The following NPFFR2 variants were observed in gnomAD, a reference collection of about 807,000 sequenced individuals.
NPFFR2 encodes G-protein coupled receptor 74.
A neutral mutation model predicts 13.1 loss-of-function variants in NPFFR2; 15 were observed. The observed-to-expected ratio is 1.15, with a 90% CI of 0.77 to 1.76. NPFFR2 has a LOEUF of 1.76. NPFFR2 is among the 40% of genes most tolerant of loss of function. NPFFR2 has a pLI of 0.00. For missense variants in NPFFR2, 572 were observed against 503.5 expected, an observed-to-expected ratio of 1.14 and a Z score of -1.30; for synonymous variants, 190 against 175.7, an observed-to-expected ratio of 1.08 and a Z score of -0.65.
At chr4:72,096,046 G>A (rs376264735) in intron 1 of NPFFR2, among the ~76,000 whole-genome samples, 46 of 152,296 alleles carry the variant, frequency 3.0e-4, no homozygotes, top group African/African-American at 1.1e-3. Context: ...GATATCCCAT[G>A]TGGATAGAAG....
chr4:72,067,588 A>G lies in NPFFR2; in HGVS notation c.-8+35388A>G, dbSNP rs1214852633. Among the ~76,000 whole-genome samples the G allele has an allele frequency of 2.7e-5, 4 of 150,622 alleles. No individual in the cohort carries two copies. The South Asian group carries it at 6.4e-4, about 24-fold the overall frequency. Reference sequence around the variant, plus strand: ...AGGCTGAGCATTTTTTCAAATCTTTATATTTTACTTTTGTTTTAACTATAA... The same window carrying G: ...AGGCTGAGCATTTTTTCAAATCTTTGTATTTTACTTTTGTTTTAACTATAA... On this transcript the variant is annotated intron_variant, in intron 1 of 3. Transcript: ENST00000308744.
chr4:72,114,137 C>G (rs1721645933), intron 1 of NPFFR2, among the ~76,000 whole-genome samples: 1 of 151,984 alleles, frequency 6.6e-6, no homozygotes. Context: ...AATGAATAGC[C>G]AGTCAGCAGC....
intron 1 of NPFFR2, among the ~76,000 whole-genome samples, chr4:72,092,544 G>T (rs899324240): frequency 3.9e-5 from 6 of 151,984 alleles, no homozygotes; most frequent in African/African-American, 2.4e-5. Flanking sequence ...ATGTATTTTG[G>T]ATTGTGATAT....
chr4:72,048,786 TG>T (rs1719458784), intron 1 of NPFFR2, among the ~76,000 whole-genome samples: 1 of 152,068 alleles, frequency 6.6e-6, no homozygotes, highest in Non-Finnish European at 1.5e-5. Flanking sequence ...GCATGAGTTT[TG>T]TTGGAATTAT....
At chr4:72,052,989 T>C (rs1719633774) in intron 1 of NPFFR2, among the ~76,000 whole-genome samples, 1 of 151,882 alleles carries the variant, frequency 6.6e-6, no homozygotes, top group Admixed American at 6.6e-5. Context: ...TGTCCTGCCT[T>C]TCTGGACCAG....
chr4:72,063,094 A>G (rs984026806), intron 1 of NPFFR2, among the ~76,000 whole-genome samples: 4 of 152,206 alleles, frequency 2.6e-5, no homozygotes, highest in African/African-American at 9.7e-5. Context: ...TTGTTTAGCA[A>G]TGTTATAATA....
At chr4:72,146,022 A>G (rs1404068746) in intron 3 of NPFFR2, among the ~76,000 whole-genome samples, 1 of 152,224 alleles carries the variant, frequency 6.6e-6, no homozygotes, top group Admixed American at 6.5e-5. Flanking sequence ...TCACCAGAGG[A>G]CATAGAATGT....
At chr4:72,053,807 C>G (rs1719661553) in intron 1 of NPFFR2, among the ~76,000 whole-genome samples, 1 of 151,776 alleles carries the variant, frequency 6.6e-6, no homozygotes, top group Admixed American at 6.6e-5. Context: ...ATCTCCAGTA[C>G]AGTGTTAAAA....
chr4:72,085,520 G>A (rs1578445251), intron 1 of NPFFR2, among the ~76,000 whole-genome samples: 1 of 152,024 alleles, frequency 6.6e-6, no homozygotes, highest in African/African-American at 2.4e-5. Context: ...TGTATGCCAT[G>A]TTGAGATCCT....
Position 72,138,139 on chromosome 4 carries a change from G to C in NPFFR2, c.428G>C (p.Arg143Thr). The stretch of plus-strand genomic sequence containing the variant: ...ACGTTAGTTGCAATTGCTGTAGATA[G>C]GTAAGTCTGCACCAAACTCTGAATC... ...VFTLVAIAVDRFQCVVYPFKP... is the reference protein window; with the variant it reads ...VFTLVAIAVDTFQCVVYPFKP... The change falls in exon 3 of 4, where the codon AGG (arginine) becomes ACG (threonine). Residue 143 changes from arginine (R) to threonine (T), a missense_variant and splice_region_variant. Arg to Thr is a moderately conservative substitution (Grantham distance 71). Transcript: ENST00000308744. The C allele has an allele frequency of 6.2e-7, 1 of 1,609,246 alleles. No homozygotes were observed. Among genetic ancestry groups the C allele is most frequent in the Non-Finnish European group, 8.5e-7 (1 of 1,175,940 alleles).
chr4:72,063,126 T>G (rs1223920995), intron 1 of NPFFR2, among the ~76,000 whole-genome samples: 1 of 152,198 alleles, frequency 6.6e-6, no homozygotes, highest in African/African-American at 2.4e-5. Flanking sequence ...ATCTTTTTGA[T>G]GCTTTTTCTA....
intron 1 of NPFFR2, among the ~76,000 whole-genome samples, chr4:72,085,310 A>T (rs1720734836): frequency 6.6e-6 from 1 of 152,148 alleles, no homozygotes; most frequent in South Asian, 2.1e-4. Flanking sequence ...ATCCTGTGAA[A>T]TCTGAGCAAT....
chr4:72,071,264 T>C (rs1720247223), intron 1 of NPFFR2, among the ~76,000 whole-genome samples: 1 of 152,170 alleles, frequency 6.6e-6, no homozygotes, highest in African/African-American at 2.4e-5. Context: ...AAATATCACC[T>C]AGCTGAGACT....
In NPFFR2 at chr4:72,081,442, A is replaced by G. The variant is rs184810702; in HGVS notation, c.-7-47143A>G. ...TGACTGAACCTTCACTGATGTTCTC[A>G]CTTAAATAGGACATGTAAAGAAGAT... is the stretch of plus-strand genomic sequence containing the variant. On this transcript the variant is annotated intron_variant, in intron 1 of 3. Transcript: ENST00000308744. Among the ~76,000 whole-genome samples the G allele has an allele frequency of 7.9e-5, 12 of 151,660 alleles. No individual in the cohort carries two copies. The East Asian group carries it at 2.3e-3, about 29-fold the overall frequency.
chr4:72,071,079 A>G (rs1017548357), intron 1 of NPFFR2, among the ~76,000 whole-genome samples: 3 of 152,206 alleles, frequency 2.0e-5, no homozygotes, highest in African/African-American at 7.2e-5. Flanking sequence ...ACATTGACTG[A>G]GAAAAAAACA....
At chr4:72,048,913 G>T (rs1719463384) in intron 1 of NPFFR2, among the ~76,000 whole-genome samples, 1 of 151,874 alleles carries the variant, frequency 6.6e-6, no homozygotes, top group South Asian at 2.1e-4. Context: ...TTCTTATTCT[G>T]CCAGTTAATG....
chr4:72,108,033 T>C (rs1721466093), intron 1 of NPFFR2, among the ~76,000 whole-genome samples: 1 of 151,940 alleles, frequency 6.6e-6, no homozygotes, highest in Admixed American at 6.6e-5. Flanking sequence ...TCAAAGAAGG[T>C]CTGGGACATT....
At chr4:72,074,450 A>G (rs1279275523) in intron 1 of NPFFR2, among the ~76,000 whole-genome samples, 1 of 152,076 alleles carries the variant, frequency 6.6e-6, no homozygotes, top group Non-Finnish European at 1.5e-5. Context: ...TAATTGCTCC[A>G]TTTTATTACT....
chr4:72,102,579 T>A (rs1223224000), intron 1 of NPFFR2, among the ~76,000 whole-genome samples: 2 of 133,284 alleles, frequency 1.5e-5, no homozygotes, highest in Admixed American at 9.0e-5. Context: ...CCTGTGTCCA[T>A]GTGTTCTCAT....
Sources: gnomAD v4.1 joint callset for allele counts (sites outside exome capture counted in the v4.1 genomes callset) on GRCh38, gnomAD v4.1.1 for gene constraint, MANE v1.5 for transcripts, NCBI Gene and HGNC (gene_info 2026-07-23, HGNC 2026-07-21) for gene names.